TNRC6A: variants seen among roughly 807,000 people sequenced by gnomAD.
TNRC6A encodes trinucleotide repeat-containing gene 6A protein.
A neutral mutation model predicts 221.2 loss-of-function variants in TNRC6A; 44 were observed. The ratio of observed to expected loss-of-function variants is 0.20; its 90% CI spans 0.16 to 0.26. The LOEUF (loss-of-function observed/expected upper bound fraction) is 0.26. Ranked by LOEUF, TNRC6A falls within the 10% of genes least tolerant of loss-of-function variation. TNRC6A has a pLI of 1.00. For missense variants in TNRC6A, 2,199 were observed against 2,404.4 expected, an observed-to-expected ratio of 0.91 and a Z score of 1.79; for synonymous variants, 847 against 838.5, an observed-to-expected ratio of 1.01 and a Z score of -0.18.
chr16:24,749,593 C>T (rs921529999), intron 2 of TNRC6A, among the ~76,000 whole-genome samples: 9 of 152,136 alleles, frequency 5.9e-5, no homozygotes, highest in South Asian at 2.1e-4. Context: ...TAGAGCTCCA[C>T]CAGAAAGGAT....
intron 2 of TNRC6A, among the ~76,000 whole-genome samples, chr16:24,681,975 G>A (rs900031178): frequency 2.6e-5 from 4 of 152,096 alleles, no homozygotes; most frequent in East Asian, 1.9e-4. Flanking sequence ...CCCATCTGTC[G>A]ATGAAAGCAC....
chr16:24,617,944 A>G (rs1159507714), intron 1 of TNRC6A, among the ~76,000 whole-genome samples: 5 of 152,192 alleles, frequency 3.3e-5, no homozygotes, highest in Non-Finnish European at 7.3e-5. Context: ...TCTATCGCCC[A>G]GGCTGGAATG....
At chr16:24,729,960 C>A in intron 1 of TNRC6A, 114 bp downstream of exon 1, 5 of 979,100 alleles carry the variant, frequency 5.1e-6, no homozygotes, top group Non-Finnish European at 6.4e-6. Flanking sequence ...CCCGAGACTT[C>A]GGGCCTCGGC....
chr16:24,616,441 T>C (rs944588081), intron 1 of TNRC6A, among the ~76,000 whole-genome samples: 2 of 152,194 alleles, frequency 1.3e-5, no homozygotes, highest in Non-Finnish European at 2.9e-5. Context: ...TTATTAATTT[T>C]TTAGGAGAAA....
chr16:24,758,788 T>C (rs1437707645), intron 4 of TNRC6A, among the ~76,000 whole-genome samples: 3 of 152,148 alleles, frequency 2.0e-5, no homozygotes, highest in Non-Finnish European at 2.9e-5. Context: ...TATAGACAGA[T>C]AGTGACATCC....
rs115316392 is a variant in TNRC6A, at chr16:24,819,389, G to A, written c.5080+689G>A. Among the ~76,000 whole-genome samples the A allele has an allele frequency of 8.9e-3, 1,350 of 152,170 alleles. 24 individuals carry two copies. The highest frequency in any genetic ancestry group is 0.031 in the African/African-American group (1,279 of 41,504). On this transcript the variant is annotated intron_variant, in intron 21 of 24. Transcript: ENST00000395799. ...TACCCACTCATGTCTCCATTGCTGC[G>A]AGGCAGTGTGTGTCAGGAACTGGGC...
chr16:24,745,568 C>CT (rs900604676), intron 2 of TNRC6A, among the ~76,000 whole-genome samples: 2 of 152,196 alleles, frequency 1.3e-5, no homozygotes, highest in Admixed American at 1.3e-4. Flanking sequence ...TGGTGTGTTG[C>CT]TGACTGATAG....
chr16:24,735,098 A>G (rs1188490480), intron 2 of TNRC6A, among the ~76,000 whole-genome samples: 1 of 152,242 alleles, frequency 6.6e-6, no homozygotes, highest in Non-Finnish European at 1.5e-5. Context: ...CTTGGCCAAC[A>G]TGGTGAGACC....
upstream of TNRC6A, among the ~76,000 whole-genome samples, chr16:24,728,342 G>T (rs1243585779): frequency 6.6e-6 from 1 of 152,194 alleles, no homozygotes; most frequent in Non-Finnish European, 1.5e-5. Flanking sequence ...AGCTACTTGG[G>T]AGGCTAAGGC....
At chr16:24,747,840 C>G (rs1218970158) in intron 2 of TNRC6A, among the ~76,000 whole-genome samples, 2 of 152,042 alleles carry the variant, frequency 1.3e-5, no homozygotes, top group East Asian at 3.8e-4. Flanking sequence ...AAAACACTTG[C>G]TAGTAACCTC....
rs114605624 is a variant in TNRC6A, at chr16:24,770,185, G to A, written c.164-6748G>A. Among the ~76,000 whole-genome samples, 383 of 152,314 alleles carry A rather than the reference G, an allele frequency of 2.5e-3. 2 individuals carry two copies. The highest frequency in any genetic ancestry group is 8.8e-3 in the African/African-American group (367 of 41,562). ...AGCAAAAGAAATAGCGTGAAAGAAC[G>A]TGATACGTTTTGGGGAATTGCAAGT... On this transcript the variant is annotated intron_variant, in intron 4 of 24. Transcript: ENST00000395799.
At chr16:24,730,435 G>A (rs1445888360) in intron 2 of TNRC6A, 135 bp downstream of exon 2, 3 of 989,640 alleles carry the variant, frequency 3.0e-6, no homozygotes, top group Non-Finnish European at 4.5e-6. Context: ...GGGAGAAGCG[G>A]CCTGGGGGAA....
At chr16:24,664,715 T>G (rs896332832) in intron 2 of TNRC6A, 3 of 148,310 alleles carry the variant, frequency 2.0e-5, no homozygotes, top group Non-Finnish European at 4.4e-5. Context: ...AAAAATAAAG[T>G]AGGGAGAGAT....
In TNRC6A at chr16:24,823,158, A is replaced by G. The variant is rs1660137468; in HGVS notation, c.5513+145A>G. On this transcript the variant is annotated intron_variant, in intron 24 of 24. Transcript: ENST00000395799. The surrounding 1 kb of genome is among the most constrained non-coding windows in gnomAD (Gnocchi z 4.3). ...CCCTGATTCCAAGGTCGGCATTCCT[A>G]AGCGGGGAATCAGACCTGGCTAGAT... 1 of 1,235,590 alleles carries G rather than the reference A, an allele frequency of 8.1e-7. No individual in the cohort carries two copies. The highest frequency in any genetic ancestry group is 1.5e-5 in the African/African-American group (1 of 66,932). The allele number at this position is 1,235,590 out of a possible 1,614,324, so 76.5% of individuals were successfully genotyped here. A position where few individuals can be genotyped will look rare whatever the true frequency, so the allele number is the denominator to read the frequency against.
intron 17 of TNRC6A, 91 bp from the exon 18 acceptor site, chr16:24,809,259 T>C (rs1308201125): frequency 8.6e-6 from 10 of 1,169,258 alleles, no homozygotes; most frequent in Non-Finnish European, 1.1e-5. Flanking sequence ...AAAACATTAG[T>C]TACATGTTTT....
Position 24,657,317 on chromosome 16 carries a change from CAAA to C in TNRC6A, n.402+16331_402+16333del, listed in dbSNP as rs56241898. On this transcript the variant is annotated intron_variant and non_coding_transcript_variant, in intron 2 of 2. Transcript: ENST00000566108. ...TGGGTAACAGAGTGAGACCCTATCT[CAAA>C]AAAAAAAAAAAAAAAAAAAAAACAA... Among the ~76,000 whole-genome samples, 497 of 88,126 alleles carry C rather than the reference CAAA, an allele frequency of 5.6e-3. 3 individuals are homozygous for C. The highest frequency in any genetic ancestry group is 0.014 in the African/African-American group (280 of 19,722). 57.8% of individuals were successfully genotyped at this position (88,126 alleles called of 152,430 possible). A position where few individuals can be genotyped will look rare whatever the true frequency, so the allele number is the denominator to read the frequency against.
chr16:24,725,601 G>C (rs1420393082), upstream of TNRC6A, among the ~76,000 whole-genome samples: 1 of 151,312 alleles, frequency 6.6e-6, no homozygotes, highest in East Asian at 1.9e-4. Flanking sequence ...ATTCTTTGTT[G>C]CATAATCAAT....
intron 1 of TNRC6A, 81 bp from the exon 2 acceptor site, chr16:24,730,172 C>A (rs1389527172): frequency 2.8e-6 from 4 of 1,430,146 alleles, no homozygotes; most frequent in African/African-American, 2.9e-5. Flanking sequence ...GAGCCTCTGC[C>A]GCAGCAGCTC....
chr16:24,727,491 A>G (rs2056512102), upstream of TNRC6A, among the ~76,000 whole-genome samples: 1 of 152,162 alleles, frequency 6.6e-6, no homozygotes, highest in Admixed American at 6.5e-5. Context: ...GCTATCAGAT[A>G]CCAATCAGTA....
Sources: allele counts gnomAD v4.1 joint callset (sites outside exome capture counted in the v4.1 genomes callset), GRCh38; gene constraint gnomAD v4.1.1; non-coding constraint Gnocchi (gnomAD v3.1); transcripts MANE v1.5; gene names NCBI Gene and HGNC (gene_info 2026-07-23, HGNC 2026-07-21).